Variants in CACNG7 observed in about 807,000 individuals in gnomAD.
CACNG7 encodes the protein calcium voltage-gated channel auxiliary subunit gamma 7, also known as voltage-dependent calcium channel gamma-7 subunit.
CACNG7 carries 9 observed loss-of-function variants against 26.3 expected under a neutral mutation model. The observed-to-expected ratio is 0.34, with a 90% confidence interval of 0.21 to 0.60. The LOEUF is 0.60. Among genes scored for constraint, CACNG7 ranks in the 20% least tolerant of loss-of-function variants. The pLI is 0.81. For missense variants in CACNG7, 297 were observed against 380.4 expected (o/e 0.78, Z 1.82); for synonymous variants, 170 against 157.0 (o/e 1.08, Z -0.62).
chr19:53,923,800 T>C (rs1293740499), intron 4 of CACNG7, among the ~76,000 whole-genome samples: 1 of 112,960 alleles, frequency 8.9e-6, no homozygotes, highest in Admixed American at 8.1e-5. Flanking sequence ...GCCCCAGGTC[T>C]GGTCATTGGT....
chr19:53,923,569 GGAGTTGT>G (rs2068986716), intron 4 of CACNG7, among the ~76,000 whole-genome samples: 2 of 134,976 alleles, frequency 1.5e-5, no homozygotes, highest in Non-Finnish European at 3.3e-5. Flanking sequence ...GGTCATTGGT[GGAGTTGT>G]CCCAGGCTGG....
chr19:53,936,386 A>T (rs2069105363), intron 4 of CACNG7, among the ~76,000 whole-genome samples: 1 of 152,088 alleles, frequency 6.6e-6, no homozygotes, highest in African/African-American at 2.4e-5. Context: ...TAATTAATAG[A>T]TCTTCTGTGG....
intron 1 of CACNG7, among the ~76,000 whole-genome samples, chr19:53,911,341 C>A (rs2068861019): frequency 6.6e-6 from 1 of 152,034 alleles, no homozygotes; most frequent in Non-Finnish European, 1.5e-5. Flanking sequence ...GCTGGGATTC[C>A]AGGTGTGAGC....
At position 53,909,394 on chromosome 19, in the gene CACNG7, G is replaced by T. The variant is rs1453634046; in HGVS notation, c.-153G>T. 1 of 148,798 alleles carries T rather than the reference G, an allele frequency of 6.7e-6. No individual in the cohort carries two copies. Among genetic ancestry groups the T allele is most frequent in the Non-Finnish European group, 1.5e-5 (1 of 66,488 alleles). The allele number at this position is 148,798 out of a possible 1,614,324, so 9.2% of individuals were successfully genotyped here. ...GGGGGCCGGGACGCCGGGCTCCGGGGCGGGGGCGGGGGGCGCGGGCACCGG... is the reference window on the plus strand; with the variant it reads ...GGGGGCCGGGACGCCGGGCTCCGGGTCGGGGGCGGGGGGCGCGGGCACCGG... On this transcript the variant is annotated 5_prime_UTR_variant, in exon 1 of 6. Coordinates refer to ENST00000391767, the MANE Select transcript of CACNG7 (RefSeq NM_031896.5). This position sits in a 1 kb window ranked among gnomAD's most constrained non-coding sequence, Gnocchi z 5.1.
Position 53,914,544 on chromosome 19 carries a change from C to A in CACNG7, c.241C>A (p.Pro81Thr). The change falls in exon 3 of 6, where the codon CCG becomes ACG. Residue 81 changes from proline (P) to threonine (T), a missense_variant. Transcript: ENST00000391767. Reference sequence around the variant, plus strand: ...TGTGGCCTCAGAATATTTTCTTGAACCGGAGATCAATTTGGTGACGGAAAA... The same window carrying A: ...TGTGGCCTCAGAATATTTTCTTGAAACGGAGATCAATTTGGTGACGGAAAA... ...RCVASEYFLE[P>T]EINLVTENTE... 6.2e-7 allele frequency: 1 copy of A among 1,614,080 alleles called. No individual in the cohort carries two copies. Among genetic ancestry groups the A allele is most frequent in the South Asian group, 1.1e-5 (1 of 91,072 alleles).
intron 4 of CACNG7, among the ~76,000 whole-genome samples, chr19:53,929,349 T>A (rs1464436019): frequency 6.6e-6 from 1 of 152,074 alleles, no homozygotes; most frequent in Non-Finnish European, 1.5e-5. Flanking sequence ...GTGAATGTGA[T>A]TTTTGGGCTT....
chr19:53,911,607 A>G (rs2068862844), intron 1 of CACNG7, among the ~76,000 whole-genome samples: 1 of 152,140 alleles, frequency 6.6e-6, no homozygotes. Flanking sequence ...ACGAGGTCCC[A>G]GCTGAGAGTC....
intron 4 of CACNG7, among the ~76,000 whole-genome samples, chr19:53,920,350 T>TGGTCATTGGTGGAGTTG (rs2068933329): frequency 1.3e-5 from 1 of 77,570 alleles, no homozygotes; most frequent in African/African-American, 6.8e-5. Context: ...TGGTGGAGTT[T>TGGTCATTGGTGGAGTTG]CCCCAGGTCT....
At position 53,942,274 on chromosome 19, in the gene CACNG7, TCTC is replaced by T. The variant is rs2069142946; in HGVS notation, c.811_813del (p.Ser271del). The T allele has an allele frequency of 6.2e-7, 1 of 1,612,100 alleles. No individual in the cohort carries two copies. Among genetic ancestry groups the T allele is most frequent in the African/African-American group, 1.3e-5 (1 of 74,858 alleles). ...ATCAAGTACCCGGACCACCTGCACATCTCCACCTCGCCCTGCTGAGGCCCGCCC... is the reference window on the plus strand; with the variant it reads ...ATCAAGTACCCGGACCACCTGCACATCACCTCGCCCTGCTGAGGCCCGCCC... On this transcript the variant is annotated inframe_deletion, in exon 6 of 6. Coordinates refer to ENST00000391767, the MANE Select transcript of CACNG7 (RefSeq NM_031896.5). The surrounding 1 kb of genome is among the most constrained non-coding windows in gnomAD (Gnocchi z 5.9).
At position 53,943,693 on chromosome 19, in the gene CACNG7, T is replaced by G. The variant is rs1366917861; in HGVS notation, c.*1400T>G. The stretch of plus-strand genomic sequence containing the variant: ...ATCATATGTAAATATCGACAGAAAC[T>G]TCAATAAACTTTATTTCAAACACGT... On this transcript the variant is annotated 3_prime_UTR_variant, in exon 6 of 6. Coordinates refer to ENST00000391767, the MANE Select transcript of CACNG7 (RefSeq NM_031896.5). The G allele has an allele frequency of 3.0e-4, 46 of 151,964 alleles. No homozygotes were observed. Among genetic ancestry groups the G allele is most frequent in the Admixed American group, 2.9e-3 (45 of 15,258 alleles). 9.4% of individuals were successfully genotyped at this position (151,964 alleles called of 1,614,324 possible). A position where few individuals can be genotyped will look rare whatever the true frequency, so the allele number is the denominator to read the frequency against.
rs1390118863 is a variant in CACNG7 at position 53,909,806 on chromosome 19, C to T, written c.-30+289C>T. Among the ~76,000 whole-genome samples the T allele has an allele frequency of 1.3e-5, 2 of 151,862 alleles. No homozygotes were observed. The highest frequency in any genetic ancestry group is 2.9e-5 in the Non-Finnish European group (2 of 67,922). ...CCGGGTCCCTGAGGAAGGCGAGGTA[C>T]GGGGCGAGGGCGGAGGACCCAGGCC... On this transcript the variant is annotated intron_variant, in intron 1 of 5. Transcript: ENST00000391767. The surrounding 1 kb of genome is among the most constrained non-coding windows in gnomAD (Gnocchi z 5.1).
intron 4 of CACNG7, among the ~76,000 whole-genome samples, chr19:53,931,959 C>T (rs2069075960): frequency 6.6e-6 from 1 of 151,280 alleles, no homozygotes; most frequent in African/African-American, 2.4e-5. Flanking sequence ...GATGGAGTTT[C>T]ACCATGTTAG....
chr19:53,925,193 T>G (rs1426345054), intron 4 of CACNG7, among the ~76,000 whole-genome samples: 1 of 138,570 alleles, frequency 7.2e-6, no homozygotes, highest in African/African-American at 2.9e-5. Flanking sequence ...GCCCCAGGTC[T>G]GGTCATTGGT....
chr19:53,913,483 G>T (rs925987219), intron 2 of CACNG7, among the ~76,000 whole-genome samples: 1 of 151,970 alleles, frequency 6.6e-6, no homozygotes, highest in Admixed American at 6.6e-5. Flanking sequence ...TTAGCTGTAT[G>T]TGGTGGTGCA....
At position 53,912,873 on chromosome 19, in the gene CACNG7, CG is replaced by C. The variant is rs2068869498; in HGVS notation, c.43del (p.Val15CysfsTer10). Reference sequence around the variant, plus strand: ...GCCGCGCCCTGACCCTGCTGAGCAGCGTGTTTGGTGCGTGTGGCCTGCTCCT... The same window carrying C: ...GCCGCGCCCTGACCCTGCTGAGCAGCTGTTTGGTGCGTGTGGCCTGCTCCT... ...SSRALTLLSSVFGACGLLLVG... is the reference protein window; with the variant it reads ...SSRALTLLSSXFGACGLLLVG... On this transcript the variant is annotated frameshift_variant, in exon 2 of 6. Transcript: ENST00000391767. LOFTEE classifies it high-confidence loss of function. This position sits in a 1 kb window ranked among gnomAD's most constrained non-coding sequence, Gnocchi z 4.6. 1 of 1,613,852 alleles carries C rather than the reference CG, an allele frequency of 6.2e-7. No homozygotes were observed. Among genetic ancestry groups the C allele is most frequent in the Non-Finnish European group, 8.5e-7 (1 of 1,180,022 alleles).
intron 4 of CACNG7, among the ~76,000 whole-genome samples, chr19:53,924,456 G>C (rs2069004207): frequency 6.7e-6 from 1 of 150,284 alleles, no homozygotes; most frequent in South Asian, 2.1e-4. Context: ...TCCCAGGTCT[G>C]GTCATTGGTG....
intron 4 of CACNG7, among the ~76,000 whole-genome samples, chr19:53,926,753 A>T (rs2069033773): frequency 6.6e-6 from 1 of 151,864 alleles, no homozygotes; most frequent in Admixed American, 6.6e-5. Context: ...TCTCCACTAA[A>T]AATAGAAAAA....
rs761346839 is a variant in CACNG7 at position 53,942,294 on chromosome 19, G to T, written c.*1G>T. On this transcript the variant is annotated 3_prime_UTR_variant, in exon 6 of 6. Transcript: ENST00000391767. The surrounding 1 kb of genome is among the most constrained non-coding windows in gnomAD (Gnocchi z 5.9). Reference sequence around the variant, plus strand: ...GCACATCTCCACCTCGCCCTGCTGAGGCCCGCCCCTCGGAGCTCCCCCTGC... The same window carrying T: ...GCACATCTCCACCTCGCCCTGCTGATGCCCGCCCCTCGGAGCTCCCCCTGC... 1.7e-5 allele frequency: 28 copies of T among 1,606,034 alleles called. No homozygotes were observed. Among genetic ancestry groups the T allele is most frequent in the Non-Finnish European group, 2.4e-5 (28 of 1,176,084 alleles).
chr19:53,941,996 A>G, intron 5 of CACNG7, 40 bp from the exon 6 acceptor site: 1 of 1,535,868 alleles, frequency 6.5e-7, no homozygotes, highest in Non-Finnish European at 8.8e-7. Context: ...GGGGATGCGC[A>G]GGGGGGCGCC....
Sources: gnomAD v4.1 joint callset for allele counts (sites outside exome capture counted in the v4.1 genomes callset) on GRCh38, gnomAD v4.1.1 for gene constraint, Gnocchi (gnomAD v3.1) non-coding constraint, MANE v1.5 for transcripts, NCBI Gene and HGNC (gene_info 2026-07-23, HGNC 2026-07-21) for gene names.